THRB: variants seen among roughly 807,000 people sequenced by gnomAD.
The protein encoded by THRB is thyroid hormone receptor beta, also known as nuclear receptor subfamily 1 group A member 2.
In THRB, 12 loss-of-function variants were observed where a neutral mutation model predicts 47.8. The observed-to-expected ratio is 0.25, with a 90% CI of 0.16 to 0.41. The LOEUF (loss-of-function observed/expected upper bound fraction) is 0.41, where lower values mean the gene tolerates loss of function less well. Among genes scored for constraint, THRB ranks in the 10% least tolerant of loss-of-function variants. THRB has a pLI of 1.00. For synonymous variants in THRB, 218 were observed against 212.2 expected (o/e 1.03, Z -0.24); for missense variants, 348 against 589.2 (o/e 0.59, Z 4.24).
At chr3:24,222,935 G>A (rs1014697690) in intron 4 of THRB, among the ~76,000 whole-genome samples, 2 of 152,182 alleles carry the variant, frequency 1.3e-5, no homozygotes, top group East Asian at 3.9e-4. Context: ...CAGGAATTCA[G>A]GAGAAATTGC....
At chr3:24,481,536 T>G (rs1271306735) in intron 1 of THRB, among the ~76,000 whole-genome samples, 2 of 152,076 alleles carry the variant, frequency 1.3e-5, no homozygotes, top group African/African-American at 4.8e-5. Flanking sequence ...ACTTAAAATC[T>G]AGCAAAGAAA....
chr3:24,438,013 T>C (rs1049775050), intron 1 of THRB, among the ~76,000 whole-genome samples: 23 of 152,060 alleles, frequency 1.5e-4, no homozygotes, highest in African/African-American at 5.3e-4. Context: ...GGCTTTATAC[T>C]TTCCTAATAT....
At position 24,119,471 on chromosome 3, in the gene THRB, A is replaced by G. The variant is rs1002254789; in HGVS notation, c.*3413T>C. On this transcript the variant is annotated 3_prime_UTR_variant, in exon 11 of 11. Coordinates refer to ENST00000646209, the MANE Select transcript of THRB (RefSeq NM_001354712.2). ...TTAGAGTTCCATAGAATAAAAAGGT[A>G]TCACTGACAATGACATGCTTCAAGG... 6.6e-6 allele frequency: 1 copy of G among 152,224 alleles called. No individual in the cohort carries two copies. Among genetic ancestry groups the G allele is most frequent in the African/African-American group, 2.4e-5 (1 of 41,464 alleles). 9.4% of individuals were successfully genotyped at this position (152,224 alleles called of 1,614,324 possible). A position where few individuals can be genotyped will look rare whatever the true frequency, so the allele number is the denominator to read the frequency against.
intron 3 of THRB, among the ~76,000 whole-genome samples, chr3:24,233,564 A>AAGG (rs1559683437): frequency 4.5e-4 from 31 of 68,300 alleles, no homozygotes; most frequent in Non-Finnish European, 8.7e-4. Context: ...AAAAAGGAAG[A>AAGG]AAGAAAGAAA....
At chr3:24,316,162 A>C (rs1207617160) in intron 2 of THRB, among the ~76,000 whole-genome samples, 1 of 152,140 alleles carries the variant, frequency 6.6e-6, no homozygotes, top group Non-Finnish European at 1.5e-5. Flanking sequence ...GTCTTACATA[A>C]ACCTGACAAA....
chr3:24,271,958 G>A (rs1346181845), intron 3 of THRB, among the ~76,000 whole-genome samples: 6 of 152,024 alleles, frequency 3.9e-5, no homozygotes, highest in South Asian at 2.1e-4. Flanking sequence ...TGATTATGAT[G>A]GTCTTGGGTT....
At chr3:24,413,930 C>T (rs1364054945) in intron 1 of THRB, among the ~76,000 whole-genome samples, 1 of 151,848 alleles carries the variant, frequency 6.6e-6, no homozygotes, top group East Asian at 2.0e-4. Context: ...AAACCAATTA[C>T]CTATTAATTC....
chr3:24,216,469 G>A (rs551826657), intron 4 of THRB, among the ~76,000 whole-genome samples: 15 of 152,240 alleles, frequency 9.9e-5, no homozygotes, highest in Non-Finnish European at 1.9e-4. Context: ...TTAGCCGGGC[G>A]TGGTGGAGGG....
At chr3:24,319,757 C>T (rs139754488) in intron 2 of THRB, among the ~76,000 whole-genome samples, 51 of 152,264 alleles carry the variant, frequency 3.3e-4, no homozygotes, top group East Asian at 5.8e-4. Context: ...ATCCCCTAGA[C>T]GAGTAGAAGG....
chr3:24,257,417 G>T (rs2051412054), intron 3 of THRB, among the ~76,000 whole-genome samples: 1 of 151,994 alleles, frequency 6.6e-6, no homozygotes, highest in African/African-American at 2.4e-5. Context: ...TTAGGTTATA[G>T]AATATGAAAT....
chr3:24,216,727 G>T (rs369019269), intron 4 of THRB, among the ~76,000 whole-genome samples: 7 of 152,196 alleles, frequency 4.6e-5, no homozygotes, highest in Non-Finnish European at 8.8e-5. Flanking sequence ...TATCTGAGAT[G>T]CTCAAAAATG....
At chr3:24,382,670 C>T (rs1560067521) in intron 1 of THRB, among the ~76,000 whole-genome samples, 1 of 152,054 alleles carries the variant, frequency 6.6e-6, no homozygotes, top group Non-Finnish European at 1.5e-5. Context: ...AACAGAAAAA[C>T]AGAGAGAAGC....
Position 24,143,809 on chromosome 3 carries a change from T to C in THRB, c.533-103A>G, listed in dbSNP as rs1016965449. The C allele has an allele frequency of 2.1e-5, 26 of 1,219,706 alleles. No homozygotes were observed. In the African/African-American group the frequency reaches 2.8e-4, roughly 13 times the overall value. 75.6% of individuals were successfully genotyped at this position (1,219,706 alleles called of 1,614,324 possible). A position where few individuals can be genotyped will look rare whatever the true frequency, so the allele number is the denominator to read the frequency against. ...AGGAGTGGGACCACTGATGCACAGA[T>C]GGCTTACTGGGTCCTTCGGGGTGGG... On this transcript the variant is annotated intron_variant, in intron 7 of 10. Transcript: ENST00000646209.
intron 1 of THRB, chr3:24,458,378 T>A (rs1188546036): frequency 6.6e-6 from 1 of 152,166 alleles, no homozygotes; most frequent in Non-Finnish European, 1.5e-5. Context: ...ATCTCTGAAA[T>A]GCTTACAGAA....
At chr3:24,303,136 T>G (rs17014487) in intron 2 of THRB, among the ~76,000 whole-genome samples, 62,111 of 151,746 alleles carry the variant, frequency 0.41, 13,159 homozygotes, top group East Asian at 0.57. Flanking sequence ...AGATGAATAA[T>G]GTTGATGGAA....
At chr3:24,137,106 C>A (rs1354478350) in intron 8 of THRB, among the ~76,000 whole-genome samples, 4 of 152,228 alleles carry the variant, frequency 2.6e-5, no homozygotes, top group Non-Finnish European at 5.9e-5. Flanking sequence ...GCATTTATTA[C>A]TATCACTTTT....
At chr3:24,327,481 A>G (rs1043807934) in intron 2 of THRB, among the ~76,000 whole-genome samples, 1 of 152,210 alleles carries the variant, frequency 6.6e-6, no homozygotes, top group Non-Finnish European at 1.5e-5. Flanking sequence ...AAACCCTAGG[A>G]CAATAAATGA....
chr3:24,239,997 G>A (rs12386345), intron 3 of THRB, among the ~76,000 whole-genome samples: 35,266 of 152,148 alleles, frequency 0.23, 4,231 homozygotes, highest in South Asian at 0.27. Context: ...AGTTGTTTCT[G>A]GGTTTCCCTC....
chr3:24,251,295 C>T (rs190541932), intron 3 of THRB, among the ~76,000 whole-genome samples: 12 of 151,802 alleles, frequency 7.9e-5, no homozygotes, highest in African/African-American at 2.7e-4. Flanking sequence ...GAAAAAGAAC[C>T]ACAGATAAAA....
Sources: allele counts gnomAD v4.1 joint callset (sites outside exome capture counted in the v4.1 genomes callset), GRCh38; gene constraint gnomAD v4.1.1; transcripts MANE v1.5; gene names NCBI Gene and HGNC (gene_info 2026-07-23, HGNC 2026-07-21).